Variants in CTU2 observed in about 807,000 individuals in gnomAD.
CTU2 encodes cytoplasmic tRNA 2-thiolation protein 2.
CTU2 carries 80 observed loss-of-function variants against 64.1 expected under a neutral mutation model. The observed-to-expected ratio is 1.25, with a 90% confidence interval of 1.04 to 1.50. The LOEUF (loss-of-function observed/expected upper bound fraction) is 1.50. Ranked by LOEUF, CTU2 falls within the 40% of genes most tolerant of loss-of-function variation. CTU2 has a pLI of 0.00. For synonymous variants in CTU2, 482 were observed against 285.3 expected (o/e 1.69, Z -6.95); for missense variants, 1,110 against 690.2 (o/e 1.61, Z -6.81).
At position 88,713,556 on chromosome 16, in the gene CTU2, G is replaced by A. The variant is rs1473636891; in HGVS notation, c.874-91G>A. ...ATCAGTCCTGCGGCCTCGGATGGTG[G>A]TGGGGTCTGTGACCTCCCCTACCTG... is the stretch of plus-strand genomic sequence containing the variant. On this transcript the variant is annotated intron_variant, in intron 8 of 14. Coordinates refer to ENST00000453996, the MANE Select transcript of CTU2 (RefSeq NM_001012759.3). 2.6e-6 allele frequency: 4 copies of A among 1,559,982 alleles called. No homozygotes were observed. In the South Asian group the frequency reaches 3.6e-5, roughly 14 times the overall value.
chr16:88,709,750 C>A, intron 2 of CTU2, 188 bp from the exon 3 acceptor site: 1 of 611,482 alleles, frequency 1.6e-6, no homozygotes, highest in Non-Finnish European at 2.9e-6. Context: ...CTCGTGTTCA[C>A]CCTGAGGAAG....
rs1911425703 is a variant in CTU2, at chr16:88,712,626, T to C, written c.458T>C (p.Phe153Ser). The C allele has an allele frequency of 6.2e-7, 1 of 1,609,622 alleles. No homozygotes were observed. The highest frequency in any genetic ancestry group is 8.5e-7 in the Non-Finnish European group (1 of 1,179,266). Residue 153 changes from phenylalanine to serine, a missense_variant, in exon 7 of 15, where the codon TTC becomes TCC. Transcript: ENST00000453996. ...GCGTCTCCCTCATCCCGGAAGGTGT[T>C]CAGCCTGCCACCGTCGGTGCTTTGG... ...PWHVVALEEVFSLPPSVLWCS... is the reference protein window; with the variant it reads ...PWHVVALEEVSSLPPSVLWCS...
At chr16:88,707,432 G>A (rs1275915496) in intron 2 of CTU2, among the ~76,000 whole-genome samples, 1 of 152,204 alleles carries the variant, frequency 6.6e-6, no homozygotes, top group Non-Finnish European at 1.5e-5. Flanking sequence ...CCCCTGATGA[G>A]GTTTCTGATG....
intron 8 of CTU2, 56 bp downstream of exon 8, chr16:88,713,503 A>C: frequency 6.5e-7 from 1 of 1,546,366 alleles, no homozygotes; most frequent in Non-Finnish European, 8.7e-7. Flanking sequence ...CCCTTCGGCC[A>C]CCTTTACTGG....
chr16:88,712,690 C>G lies in CTU2; in HGVS notation c.522C>G (p.Tyr174Ter). 6.2e-7 allele frequency: 1 copy of G among 1,610,538 alleles called. No individual in the cohort carries two copies. The highest frequency in any genetic ancestry group is 8.5e-7 in the Non-Finnish European group (1 of 1,179,506). ...AGCTGGTGGGATCCGAGGGGGCCTA[C>G]AAGGCGGCCGTGGACAGCTTCCTCC... ...AQELVGSEGA[Y>*]KAAVDSFLQQ... is the part of the protein sequence containing the mutation. Residue 174 changes from tyrosine to a stop codon, truncating the protein, a stop_gained, in exon 7 of 15, where the codon TAC (tyrosine) becomes TAG (stop). Transcript: ENST00000453996. LOFTEE classifies it high-confidence loss of function.
chr16:88,712,519 C>T (rs1350873672), intron 6 of CTU2, 103 bp from the exon 7 acceptor site: 21 of 1,503,102 alleles, frequency 1.4e-5, no homozygotes, highest in Non-Finnish European at 1.9e-5. Context: ...CCTGCCCGTG[C>T]CCCAGCCTCA....
At chr16:88,714,100 G>T (rs1911636188) in intron 9 of CTU2, 36 bp from the exon 10 acceptor site, 3 of 1,600,086 alleles carry the variant, frequency 1.9e-6, no homozygotes, top group Non-Finnish European at 2.6e-6. Context: ...GCTGGCCTCT[G>T]GGCTTTCCCA....
chr16:88,714,409 C>T lies in CTU2; in HGVS notation c.1124C>T (p.Pro375Leu). 1.2e-6 allele frequency: 2 copies of T among 1,612,568 alleles called. No individual in the cohort carries two copies. The highest frequency in any genetic ancestry group is 1.7e-6 in the Non-Finnish European group (2 of 1,179,836). ...ACAAGTGAGAAGCTGGTGAAGGGCCCCCGGGATGGCCCTGCTGCTGGCGAC... is the reference window on the plus strand; with the variant it reads ...ACAAGTGAGAAGCTGGTGAAGGGCCTCCGGGATGGCCCTGCTGCTGGCGAC... ...YRTSEKLVKG[P>L]RDGPAAGDSG... Residue 375 changes from proline to leucine, a missense_variant, in exon 11 of 15, where the codon CCC (proline) becomes CTC (leucine). Coordinates refer to ENST00000453996, the MANE Select transcript of CTU2 (RefSeq NM_001012759.3).
At chr16:88,709,625 A>C (rs1266635180) in intron 2 of CTU2, 4 of 395,788 alleles carry the variant, frequency 1.0e-5, no homozygotes, top group Non-Finnish European at 1.4e-5. Context: ...CCACTCCACC[A>C]GCTGGGCCCT....
intron 1 of CTU2, chr16:88,706,839 C>A: frequency 1.8e-6 from 1 of 556,122 alleles, no homozygotes; most frequent in Non-Finnish European, 3.2e-6. Flanking sequence ...CAGTGCTGTC[C>A]TTATTCGGAG....
chr16:88,710,106 GC>G, intron 3 of CTU2, 90 bp downstream of exon 3: 5 of 1,574,502 alleles, frequency 3.2e-6, no homozygotes, highest in Middle Eastern at 1.7e-4. Context: ...GCCTGCTGCA[GC>G]CCGCCAGCTC....
rs1426293046 is a variant in CTU2 at position 88,706,557 on chromosome 16, G to C, written c.27G>C (p.Gly9=). The C allele has an allele frequency of 2.1e-6, 3 of 1,459,136 alleles. No individual in the cohort carries two copies. The highest frequency in any genetic ancestry group is 2.6e-5 in the South Asian group (2 of 76,218). 90.4% of individuals were successfully genotyped at this position (1,459,136 alleles called of 1,614,324 possible). MCQVGEDY[G]EPAPEEPPPA... is the part of the protein sequence containing the mutation. ...TGTGTCAGGTGGGCGAGGACTACGG[G>C]GAGCCGGCGCCTGAGGAGCCGCCCC... The change falls in exon 1 of 15, where the codon GGG becomes GGC. Residue 9 remains glycine, a synonymous_variant. Coordinates refer to ENST00000453996, the MANE Select transcript of CTU2 (RefSeq NM_001012759.3).
intron 12 of CTU2, 61 bp from the exon 13 acceptor site, chr16:88,714,799 A>C: frequency 1.2e-6 from 2 of 1,610,128 alleles, no homozygotes; most frequent in Admixed American, 3.3e-5. Context: ...ACCTGTCCTT[A>C]CCCCACACTG....
chr16:88,708,595 G>C (rs1911088183), intron 2 of CTU2, among the ~76,000 whole-genome samples: 1 of 152,148 alleles, frequency 6.6e-6, no homozygotes, highest in Non-Finnish European at 1.5e-5. Flanking sequence ...CCAGTTACCT[G>C]CAGTCCCTCA....
At chr16:88,706,991 C>A (rs1910907183) in intron 1 of CTU2, 145 bp from the exon 2 acceptor site, 1 of 754,794 alleles carries the variant, frequency 1.3e-6, no homozygotes. Context: ...TTGGACAGAA[C>A]ACAAGCCTGG....
chr16:88,712,401 G>A lies in CTU2; in HGVS notation c.453+18G>A. The A allele has an allele frequency of 6.3e-7, 1 of 1,579,342 alleles. No homozygotes were observed. Among genetic ancestry groups the A allele is most frequent in the Non-Finnish European group, 8.6e-7 (1 of 1,158,946 alleles). On this transcript the variant is annotated intron_variant, in intron 6 of 14. Transcript: ENST00000453996. The stretch of plus-strand genomic sequence containing the variant: ...TAGAGGAGGTGGGAGGGCTGTCCCT[G>A]GAAAGGGGTCCCGGAGGTGACCCCT...
chr16:88,711,331 C>T (rs1299924817), intron 4 of CTU2, among the ~76,000 whole-genome samples: 1 of 152,060 alleles, frequency 6.6e-6, no homozygotes, highest in Admixed American at 6.5e-5. Context: ...CACAGTGGCC[C>T]CGTAACCCAG....
chr16:88,707,309 T>C, intron 2 of CTU2, 99 bp downstream of exon 2: 1 of 1,127,792 alleles, frequency 8.9e-7, no homozygotes. Flanking sequence ...TTTAAAAACA[T>C]GTACTTACTT....
intron 2 of CTU2, chr16:88,709,320 G>T (rs1045282420): frequency 6.6e-6 from 1 of 152,340 alleles, no homozygotes; most frequent in Admixed American, 6.5e-5. Flanking sequence ...TTCTGATTCT[G>T]TGGGGTTAGG....
Sources: gnomAD v4.1 joint callset for allele counts (sites outside exome capture counted in the v4.1 genomes callset) on GRCh38, gnomAD v4.1.1 for gene constraint, MANE v1.5 for transcripts, NCBI Gene and HGNC (gene_info 2026-07-23, HGNC 2026-07-21) for gene names.